The following NAALADL2 variants were observed in gnomAD, a reference collection of about 807,000 sequenced individuals.
The protein encoded by NAALADL2 is N-acetylated alpha-linked acidic dipeptidase like 2.
In NAALADL2, 76 loss-of-function variants were observed where a neutral mutation model predicts 87.2. The observed-to-expected ratio is 0.87, with a 90% CI of 0.72 to 1.05. The LOEUF (loss-of-function observed/expected upper bound fraction) is 1.05, where lower values mean the gene tolerates loss of function less well. Ranked by LOEUF, NAALADL2 falls within the 50% of genes least tolerant of loss-of-function variation. NAALADL2 has a pLI of 0.00. For missense variants in NAALADL2, 1,089 were observed against 945.8 expected, an observed-to-expected ratio of 1.15 and a Z score of -1.99; for synonymous variants, 354 against 331.0, an observed-to-expected ratio of 1.07 and a Z score of -0.75.
chr3:174,849,603 C>T (rs1001079976), intron 3 of NAALADL2, among the ~76,000 whole-genome samples: 22 of 151,730 alleles, frequency 1.4e-4, no homozygotes, highest in African/African-American at 2.2e-4. Context: ...GACATGGTGG[C>T]GGGTGCCTGT....
chr3:175,232,209 A>G (rs1745057338), intron 2 of NAALADL2, among the ~76,000 whole-genome samples: 1 of 151,472 alleles, frequency 6.6e-6, no homozygotes, highest in Non-Finnish European at 1.5e-5. Flanking sequence ...GAAGAAGAAC[A>G]AGAAGAGAAG....
chr3:175,377,867 G>A (rs1447657161), intron 5 of NAALADL2, among the ~76,000 whole-genome samples: 1 of 152,138 alleles, frequency 6.6e-6, no homozygotes, highest in Non-Finnish European at 1.5e-5. Context: ...GACTTCAGGG[G>A]AAGATTACCT....
intron 9 of NAALADL2, among the ~76,000 whole-genome samples, chr3:175,522,899 A>T (rs922087368): frequency 6.6e-6 from 1 of 152,170 alleles, no homozygotes; most frequent in African/African-American, 2.4e-5. Flanking sequence ...AAATCATCCA[A>T]CTGTATATAA....
At chr3:175,529,193 T>C (rs1733792116) in intron 9 of NAALADL2, among the ~76,000 whole-genome samples, 1 of 152,220 alleles carries the variant, frequency 6.6e-6, no homozygotes, top group Non-Finnish European at 1.5e-5. Flanking sequence ...AGTAGACTGA[T>C]TTCATCTTGA....
At chr3:175,290,041 T>C (rs1290230453) in intron 4 of NAALADL2, among the ~76,000 whole-genome samples, 1 of 152,166 alleles carries the variant, frequency 6.6e-6, no homozygotes, top group African/African-American at 2.4e-5. Flanking sequence ...TATAAATCTA[T>C]CAAATGACTA....
At chr3:175,465,537 G>A (rs1354720635) in intron 7 of NAALADL2, among the ~76,000 whole-genome samples, 2 of 141,870 alleles carry the variant, frequency 1.4e-5, no homozygotes, top group African/African-American at 2.7e-5. Flanking sequence ...GTAGTGACAC[G>A]ATCTTCGCTC....
At chr3:175,629,272 T>C (rs985904113) in intron 11 of NAALADL2, among the ~76,000 whole-genome samples, 1 of 147,942 alleles carries the variant, frequency 6.8e-6, no homozygotes, top group Non-Finnish European at 1.5e-5. Context: ...CTTGGAGATT[T>C]TATATATAGA....
At chr3:175,276,253 T>TAA (rs1315833085) in intron 4 of NAALADL2, among the ~76,000 whole-genome samples, 9 of 151,760 alleles carry the variant, frequency 5.9e-5, no homozygotes. Flanking sequence ...GTGGTACAAT[T>TAA]AAAAAATAAT....
intron 13 of NAALADL2, among the ~76,000 whole-genome samples, chr3:175,784,311 C>A (rs969618471): frequency 6.6e-6 from 1 of 152,044 alleles, no homozygotes; most frequent in Non-Finnish European, 1.5e-5. Context: ...TGATAGAATT[C>A]GGCTGTGAAT....
chr3:175,391,770 C>T (rs1251269967), intron 5 of NAALADL2, among the ~76,000 whole-genome samples: 1 of 152,048 alleles, frequency 6.6e-6, no homozygotes, highest in African/African-American at 2.4e-5. Context: ...CATACTAAGG[C>T]AGGATCTTTT....
chr3:175,729,401 T>C lies in NAALADL2; in HGVS notation c.1897-7905T>C, dbSNP rs529677480. 5.9e-5 allele frequency among the ~76,000 whole-genome samples: 9 copies of C among 152,306 alleles called. No individual in the cohort carries two copies. The South Asian group carries it at 1.9e-3, about 32-fold the overall frequency. ...TGGCCTGAGAAGGACTCTGTACTTCTATATTTGAGTCCTTGTGGATGAACT... is the reference window on the plus strand; with the variant it reads ...TGGCCTGAGAAGGACTCTGTACTTCCATATTTGAGTCCTTGTGGATGAACT... On this transcript the variant is annotated intron_variant, in intron 11 of 13. Coordinates refer to ENST00000454872, the MANE Select transcript of NAALADL2 (RefSeq NM_207015.3).
chr3:175,612,642 A>C (rs1724804445), intron 10 of NAALADL2, among the ~76,000 whole-genome samples: 1 of 152,134 alleles, frequency 6.6e-6, no homozygotes, highest in African/African-American at 2.4e-5. Flanking sequence ...ACTGACTGTT[A>C]AACAGAAAGC....
At chr3:174,613,135 A>G (rs1405570119) in intron 2 of NAALADL2, among the ~76,000 whole-genome samples, 2 of 152,192 alleles carry the variant, frequency 1.3e-5, no homozygotes, top group Non-Finnish European at 2.9e-5. Flanking sequence ...GTTTCTCCCC[A>G]TCAAATGGAG....
chr3:174,798,790 T>A (rs1578976658), intron 3 of NAALADL2, among the ~76,000 whole-genome samples: 1 of 152,288 alleles, frequency 6.6e-6, no homozygotes, highest in South Asian at 2.1e-4. Context: ...CCTTGCTGAA[T>A]TCATTTATTT....
rs1333711226 is a variant in NAALADL2 at position 175,804,877 on chromosome 3, A to C, written c.*1674A>C. On this transcript the variant is annotated 3_prime_UTR_variant, in exon 14 of 14. Coordinates refer to ENST00000454872, the MANE Select transcript of NAALADL2 (RefSeq NM_207015.3). The stretch of plus-strand genomic sequence containing the variant: ...TCAAGCAGAAATCCATTTTCATCGA[A>C]ATTGCCTGTGTGCACATATTTTTAG... The C allele has an allele frequency of 6.6e-6, 1 of 151,902 alleles. No homozygotes were observed. Among genetic ancestry groups the C allele is most frequent in the Non-Finnish European group, 1.5e-5 (1 of 67,864 alleles). 9.4% of individuals were successfully genotyped at this position (151,902 alleles called of 1,614,324 possible).
intron 9 of NAALADL2, among the ~76,000 whole-genome samples, chr3:175,493,577 A>G (rs1156722925): frequency 6.6e-6 from 1 of 152,148 alleles, no homozygotes; most frequent in Admixed American, 6.6e-5. Context: ...ACAAAACTTC[A>G]GTTGACATTA....
At chr3:175,360,108 T>C (rs1233226913) in intron 5 of NAALADL2, among the ~76,000 whole-genome samples, 1 of 152,176 alleles carries the variant, frequency 6.6e-6, no homozygotes, top group Non-Finnish European at 1.5e-5. Context: ...CTATCTTATA[T>C]ATCTCCTATG....
intron 1 of NAALADL2, among the ~76,000 whole-genome samples, chr3:174,870,938 T>C (rs1207621166): frequency 6.6e-6 from 1 of 152,200 alleles, no homozygotes; most frequent in Non-Finnish European, 1.5e-5. Context: ...TTGGTGCATC[T>C]TGATTCCTCT....
intron 1 of NAALADL2, among the ~76,000 whole-genome samples, chr3:174,867,459 G>T (rs1404834049): frequency 6.6e-6 from 1 of 151,570 alleles, no homozygotes; most frequent in Non-Finnish European, 1.5e-5. Flanking sequence ...TCCTTTTTTG[G>T]TATATTTGTT....
Sources: allele counts gnomAD v4.1 joint callset (sites outside exome capture counted in the v4.1 genomes callset), GRCh38; gene constraint gnomAD v4.1.1; transcripts MANE v1.5; gene names NCBI Gene and HGNC (gene_info 2026-07-23, HGNC 2026-07-21).